Variants in TG observed in about 807,000 individuals in gnomAD.
The protein encoded by TG is thyroglobulin, also known as thyroid hormones.
TG carries 270 observed loss-of-function variants against 324.7 expected under a neutral mutation model. That is an observed-to-expected ratio of 0.83 (90% CI 0.75 to 0.92). TG has a LOEUF of 0.92. Among genes scored for constraint, TG ranks in the 40% least tolerant of loss-of-function variants. TG has a pLI of 0.00. For missense variants in TG, 3,591 were observed against 3,456.4 expected (o/e 1.04, Z -0.98); for synonymous variants, 1,401 against 1,327.0 (o/e 1.06, Z -1.21).
Position 132,888,403 on chromosome 8 carries a change from T to A in TG, c.2596T>A (p.Tyr866Asn), listed in dbSNP as rs1815732282. 6.2e-7 allele frequency: 1 copy of A among 1,613,912 alleles called. No homozygotes were observed. Among genetic ancestry groups the A allele is most frequent in the Admixed American group, 1.7e-5 (1 of 60,004 alleles). The change falls in exon 10 of 48, where the codon TAC becomes AAC. Residue 866 changes from tyrosine to asparagine, a missense_variant. By Grantham distance (143) the Tyr-to-Asn change is moderately radical. Coordinates refer to ENST00000220616, the MANE Select transcript of TG (RefSeq NM_003235.5). The part of the protein sequence containing the change: ...QPRENILLEP[Y>N]LFWQILNGQL... ...CAGGGAGAATATCCTCCTGGAGCCCTACCTCTTCTGGCAGATCTTAAATGG... is the reference window on the plus strand; with the variant it reads ...CAGGGAGAATATCCTCCTGGAGCCCAACCTCTTCTGGCAGATCTTAAATGG...
chr8:132,894,880 C>A (rs1816880101), intron 11 of TG, among the ~76,000 whole-genome samples: 1 of 152,210 alleles, frequency 6.6e-6, no homozygotes, highest in South Asian at 2.1e-4. Flanking sequence ...TCACCATCCA[C>A]AATTCTTTGC....
intron 43 of TG, among the ~76,000 whole-genome samples, chr8:133,104,472 G>A (rs1849617910): frequency 6.6e-6 from 1 of 152,182 alleles, no homozygotes; most frequent in African/African-American, 2.4e-5. Flanking sequence ...TGCAGACATG[G>A]TCACAGTAAA....
At chr8:132,977,148 C>T (rs1830266530) in intron 34 of TG, among the ~76,000 whole-genome samples, 2 of 152,172 alleles carry the variant, frequency 1.3e-5, no homozygotes, top group Admixed American at 6.5e-5. Flanking sequence ...CTGAAGCTGA[C>T]ATTGTCATTA....
rs146255464 is a variant in TG at position 132,882,905 on chromosome 8, G to T, written c.981G>T (p.Ala327=). The change falls in exon 8 of 48, where the codon GCG becomes GCT. Residue 327 remains alanine, a synonymous_variant. Transcript: ENST00000220616. The part of the protein sequence containing the change: ...PSCRRNGDYQ[A]VQCQTEGPCW... ...GCCGCCGAAATGGCGACTATCAGGC[G>T]GTGCAGTGCCAGACGGAAGGGCCCT... 6.2e-7 allele frequency: 1 copy of T among 1,614,184 alleles called. No homozygotes were observed. Among genetic ancestry groups the T allele is most frequent in the Admixed American group, 1.7e-5 (1 of 60,022 alleles).
At chr8:132,878,105 C>G (rs1184135775) in intron 5 of TG, among the ~76,000 whole-genome samples, 1 of 151,856 alleles carries the variant, frequency 6.6e-6, no homozygotes, top group Non-Finnish European at 1.5e-5. Flanking sequence ...ATCCCTGTAA[C>G]CAAAGAAAAG....
Position 133,012,105 on chromosome 8 carries a change from A to T in TG, c.6397+70A>T, listed in dbSNP as rs1286135618. 4 of 1,600,552 alleles carry T rather than the reference A, an allele frequency of 2.5e-6. No individual in the cohort carries two copies. The African/African-American group carries it at 4.0e-5, about 16-fold the overall frequency. On this transcript the variant is annotated intron_variant, in intron 36 of 47. Transcript: ENST00000220616. Reference sequence around the variant, plus strand: ...ACACAAGTGCTGCTCAAGATTCTCAACTTAGAAAAACACATGAGACACTAC... The same window carrying T: ...ACACAAGTGCTGCTCAAGATTCTCATCTTAGAAAAACACATGAGACACTAC...
intron 32 of TG, among the ~76,000 whole-genome samples, chr8:132,970,736 G>A (rs1437279006): frequency 6.6e-6 from 1 of 152,154 alleles, no homozygotes. Context: ...TGGGAACTAG[G>A]GGAGTAGATT....
chr8:133,000,956 C>T (rs537254501), intron 35 of TG, among the ~76,000 whole-genome samples: 3 of 152,212 alleles, frequency 2.0e-5, no homozygotes, highest in African/African-American at 7.2e-5. Flanking sequence ...AAGGTTGATT[C>T]CTTCCAAGGT....
At chr8:132,889,002 G>A (rs1815839438) in intron 10 of TG, among the ~76,000 whole-genome samples, 2 of 152,194 alleles carry the variant, frequency 1.3e-5, no homozygotes, top group African/African-American at 4.8e-5. Context: ...TACTTGCACA[G>A]AATGCTGCTA....
intron 35 of TG, chr8:132,994,949 G>A: frequency 9.3e-7 from 1 of 1,079,222 alleles, no homozygotes. Context: ...TTGTGAGAGG[G>A]GTTGGCTTAA....
chr8:132,975,631 C>A (rs548546943), intron 34 of TG, among the ~76,000 whole-genome samples: 36 of 152,308 alleles, frequency 2.4e-4, no homozygotes, highest in African/African-American at 7.9e-4. Flanking sequence ...ACCAATATAA[C>A]CTCTATGTAT....
intron 41 of TG, among the ~76,000 whole-genome samples, chr8:133,093,583 G>C (rs1008472429): frequency 4.6e-5 from 7 of 152,174 alleles, no homozygotes; most frequent in African/African-American, 7.2e-5. Context: ...CTGGCACCAG[G>C]TCTCACAGCG....
At chr8:133,041,784 G>GT (rs529937626) in intron 41 of TG, among the ~76,000 whole-genome samples, 7,634 of 124,308 alleles carry the variant, frequency 0.061, 565 homozygotes, top group African/African-American at 0.15. Flanking sequence ...CTTGTGGTCA[G>GT]TTTTTTTTTT....
intron 41 of TG, among the ~76,000 whole-genome samples, chr8:133,054,998 A>T (rs891001693): frequency 6.6e-6 from 1 of 152,190 alleles, no homozygotes; most frequent in African/African-American, 2.4e-5. Flanking sequence ...TACAGAAAAT[A>T]CGTGATTATT....
At position 132,888,217 on chromosome 8, in the gene TG, G is replaced by T. The variant is rs780538684; in HGVS notation, c.2410G>T (p.Val804Leu). ...GGATCTGACGCCTGCCAAGCTGCTAGTGAAGATCATGAGCTACAGAGAAGC... is the reference window on the plus strand; with the variant it reads ...GGATCTGACGCCTGCCAAGCTGCTATTGAAGATCATGAGCTACAGAGAAGC... ...GQDLTPAKLL[V>L]KIMSYREAAS... Residue 804 changes from valine to leucine, a missense_variant, in exon 10 of 48, where the codon GTG becomes TTG. Coordinates refer to ENST00000220616, the MANE Select transcript of TG (RefSeq NM_003235.5). 6.2e-7 allele frequency: 1 copy of T among 1,614,258 alleles called. No homozygotes were observed. Among genetic ancestry groups the T allele is most frequent in the South Asian group, 1.1e-5 (1 of 91,086 alleles).
chr8:133,003,784 C>T (rs1470252799), intron 35 of TG, among the ~76,000 whole-genome samples: 10 of 152,148 alleles, frequency 6.6e-5, no homozygotes, highest in Admixed American at 5.9e-4. Context: ...CTCCCAGACC[C>T]TTCCTTCTCC....
At chr8:133,034,703 G>C (rs1448707172) in intron 41 of TG, among the ~76,000 whole-genome samples, 2 of 151,994 alleles carry the variant, frequency 1.3e-5, no homozygotes, top group Admixed American at 6.5e-5. Context: ...GGGCAGTCCA[G>C]GTGTCTCTGG....
At chr8:132,868,407 C>A (rs531504225) in intron 2 of TG, among the ~76,000 whole-genome samples, 184 bp downstream of exon 2, 3 of 152,198 alleles carry the variant, frequency 2.0e-5, no homozygotes. Context: ...CCTTTCAGTT[C>A]CCCAAGCTGT....
chr8:132,869,780 C>T lies in TG; in HGVS notation c.228C>T (p.Asn76=), dbSNP rs201414183. 6.7e-5 allele frequency: 108 copies of T among 1,614,126 alleles called. 1 individual carries two copies. Among genetic ancestry groups the T allele is most frequent in the East Asian group, 1.8e-4 (8 of 44,872 alleles). Residue 76 remains asparagine, a synonymous_variant, in exon 3 of 48, where the codon AAC becomes AAT. Coordinates refer to ENST00000220616, the MANE Select transcript of TG (RefSeq NM_003235.5). ...GCTCCTGCTGGTGTGTGGGTGCCAA[C>T]GGCAGTGAAGTGCTGGGCAGCAGGC... is the stretch of plus-strand genomic sequence containing the variant. The part of the protein sequence containing the change: ...DGRSCWCVGA[N]GSEVLGSRQP...
Sources: allele counts gnomAD v4.1 joint callset (sites outside exome capture counted in the v4.1 genomes callset), GRCh38; gene constraint gnomAD v4.1.1; transcripts MANE v1.5; gene names NCBI Gene and HGNC (gene_info 2026-07-23, HGNC 2026-07-21).